LSAMP: variants seen among roughly 807,000 people sequenced by gnomAD.
The protein encoded by LSAMP is limbic system associated membrane protein, also known as limbic system-associated membrane protein.
LSAMP carries 7 observed loss-of-function variants against 38.6 expected under a neutral mutation model. The ratio of observed to expected loss-of-function variants is 0.18; its 90% confidence interval spans 0.10 to 0.34. The LOEUF (loss-of-function observed/expected upper bound fraction) is 0.34. Ranked by LOEUF, LSAMP falls within the 10% of genes least tolerant of loss-of-function variation. The probability of loss-of-function intolerance (pLI) is 1.00; values close to 1 mark genes in which losing one functional copy is unlikely to be tolerated. For synonymous variants in LSAMP, 154 were observed against 166.8 expected, an observed-to-expected ratio of 0.92 and a Z score of 0.59; for missense variants, 313 against 420.0, an observed-to-expected ratio of 0.75 and a Z score of 2.23.
intron 1 of LSAMP, among the ~76,000 whole-genome samples, chr3:116,312,004 G>C (rs2047563615): frequency 6.6e-6 from 1 of 152,138 alleles, no homozygotes; most frequent in Non-Finnish European, 1.5e-5. Context: ...ATCTCTGGTG[G>C]AGTGGAAAAC....
intron 3 of LSAMP, among the ~76,000 whole-genome samples, chr3:115,881,551 C>G (rs1213687365): frequency 6.6e-6 from 1 of 152,076 alleles, no homozygotes; most frequent in South Asian, 2.1e-4. Flanking sequence ...TCAATAAGAG[C>G]TATATTAAGA....
chr3:116,176,856 G>A (rs537130986), intron 1 of LSAMP, among the ~76,000 whole-genome samples: 1 of 152,148 alleles, frequency 6.6e-6, no homozygotes, highest in East Asian at 1.9e-4. Flanking sequence ...ATGAGAAATA[G>A]GTGTTAAAAA....
At chr3:116,408,479 G>A (rs189463902) in intron 1 of LSAMP, among the ~76,000 whole-genome samples, 11 of 152,146 alleles carry the variant, frequency 7.2e-5, no homozygotes, top group Admixed American at 7.2e-4. Context: ...GAAGCAGTGG[G>A]TATTAAATTG....
intron 2 of LSAMP, among the ~76,000 whole-genome samples, chr3:116,082,151 T>A (rs1707885578): frequency 6.6e-6 from 1 of 152,302 alleles, no homozygotes; most frequent in Admixed American, 6.5e-5. Context: ...ACAAATACCC[T>A]AGTTTTTGGA....
intron 1 of LSAMP, among the ~76,000 whole-genome samples, chr3:116,264,932 T>C (rs2046873372): frequency 1.3e-5 from 2 of 152,154 alleles, no homozygotes; most frequent in Admixed American, 6.5e-5. Flanking sequence ...GCACCTTCCT[T>C]CCCTGAGGTC....
At chr3:116,007,026 ATTT>A (rs1940179963) in intron 3 of LSAMP, among the ~76,000 whole-genome samples, 1 of 152,210 alleles carries the variant, frequency 6.6e-6, no homozygotes, top group Non-Finnish European at 1.5e-5. Flanking sequence ...AAAGAGTGAC[ATTT>A]TAGTTTTTGT....
At chr3:115,825,376 G>T (rs76796914) in intron 6 of LSAMP, among the ~76,000 whole-genome samples, 2 of 152,286 alleles carry the variant, frequency 1.3e-5, no homozygotes, top group East Asian at 3.9e-4. Context: ...CTCCTGCTAT[G>T]TCAGTGACTC....
chr3:116,037,047 G>C (rs1189226567), intron 2 of LSAMP, among the ~76,000 whole-genome samples: 1 of 152,078 alleles, frequency 6.6e-6, no homozygotes, highest in Admixed American at 6.6e-5. Context: ...AGGAAAATCT[G>C]TTACATAATC....
chr3:116,130,276 T>C (rs1349024112), intron 1 of LSAMP, among the ~76,000 whole-genome samples: 1 of 152,196 alleles, frequency 6.6e-6, no homozygotes, highest in African/African-American at 2.4e-5. Context: ...CGGAAGGTCA[T>C]TTGGCTAATT....
intron 1 of LSAMP, among the ~76,000 whole-genome samples, chr3:116,218,263 T>C (rs577393307): frequency 3.9e-5 from 6 of 152,276 alleles, no homozygotes; most frequent in African/African-American, 1.4e-4. Context: ...GTAATCAATC[T>C]CAGAAGGAAA....
intron 2 of LSAMP, among the ~76,000 whole-genome samples, chr3:116,073,401 CT>C (rs569430865): frequency 2.0e-5 from 3 of 151,980 alleles, no homozygotes; most frequent in Admixed American, 1.3e-4. Context: ...TATTTGGGCT[CT>C]TTTTTTGGTT....
At chr3:116,071,662 T>C (rs1707609056) in intron 2 of LSAMP, among the ~76,000 whole-genome samples, 1 of 152,098 alleles carries the variant, frequency 6.6e-6, no homozygotes, top group Non-Finnish European at 1.5e-5. Flanking sequence ...GGTAAACGAG[T>C]GCCATGGTGA....
chr3:116,229,323 A>G (rs1461114), intron 1 of LSAMP, among the ~76,000 whole-genome samples: 125,333 of 152,082 alleles, frequency 0.82, 52,247 homozygotes, highest in South Asian at 0.94. Context: ...CTAAACCATG[A>G]AGCTAAAATT....
At chr3:115,915,179 T>C (rs1937224425) in intron 3 of LSAMP, among the ~76,000 whole-genome samples, 1 of 152,218 alleles carries the variant, frequency 6.6e-6, no homozygotes, top group Non-Finnish European at 1.5e-5. Context: ...TTTTCTTCAG[T>C]GGTGACCAAA....
intron 4 of LSAMP, among the ~76,000 whole-genome samples, chr3:115,845,782 A>G (rs1266846841): frequency 6.6e-6 from 1 of 152,162 alleles, no homozygotes; most frequent in African/African-American, 2.4e-5. Context: ...TTTGTTTGGA[A>G]CCTGAATTAC....
intron 2 of LSAMP, among the ~76,000 whole-genome samples, chr3:116,031,515 T>C (rs1030015475): frequency 6.8e-6 from 1 of 146,672 alleles, no homozygotes; most frequent in African/African-American, 2.5e-5. Flanking sequence ...AATGATTTCA[T>C]GCCTACATAA....
At position 116,220,231 on chromosome 3, in the gene LSAMP, C is replaced by T. The variant is rs181436091; in HGVS notation, c.156-133675G>A. Among the ~76,000 whole-genome samples the T allele has an allele frequency of 1.6e-4, 18 of 115,940 alleles. No individual in the cohort carries two copies. The East Asian group carries it at 4.7e-3, about 30-fold the overall frequency. The allele number at this position is 115,940 out of a possible 152,430, so 76.1% of individuals were successfully genotyped here. A position where few individuals can be genotyped will look rare whatever the true frequency, so the allele number is the denominator to read the frequency against. ...ACACACACAATGAGATATCACCTCA[C>T]ACCTCTCAAAATAACTATTATAAAA... On this transcript the variant is annotated intron_variant, in intron 1 of 6. Transcript: ENST00000490035.
intron 3 of LSAMP, among the ~76,000 whole-genome samples, chr3:115,999,673 T>C (rs753210643): frequency 1.3e-5 from 2 of 152,168 alleles, no homozygotes; most frequent in Non-Finnish European, 2.9e-5. Context: ...GTAAACCACT[T>C]CTGCGAAGGG....
intron 1 of LSAMP, among the ~76,000 whole-genome samples, chr3:116,175,964 A>G (rs912604068): frequency 2.6e-5 from 4 of 152,286 alleles, no homozygotes; most frequent in Middle Eastern, 6.8e-3. Flanking sequence ...CTTGTGCAAT[A>G]ACACAGAATC....
Sources: allele counts gnomAD v4.1 joint callset (sites outside exome capture counted in the v4.1 genomes callset), GRCh38; gene constraint gnomAD v4.1.1; transcripts MANE v1.5; gene names NCBI Gene and HGNC (gene_info 2026-07-23, HGNC 2026-07-21).